Variants in TREML1 observed in about 807,000 individuals in gnomAD.
The protein encoded by TREML1 is trem-like transcript 1 protein.
TREML1 carries 27 observed loss-of-function variants against 22.8 expected under a neutral mutation model. The observed-to-expected ratio is 1.19, with a 90% CI of 0.87 to 1.64. TREML1 has a LOEUF of 1.64. Ranked by LOEUF, TREML1 falls within the 40% of genes most tolerant of loss-of-function variation. The probability of loss-of-function intolerance (pLI) is 0.00; values close to 1 mark genes in which losing one functional copy is unlikely to be tolerated. For synonymous variants in TREML1, 153 were observed against 161.9 expected (o/e 0.94, Z 0.42); for missense variants, 356 against 382.0 (o/e 0.93, Z 0.57).
chr6:41,149,708 G>A lies in TREML1; in HGVS notation c.832C>T (p.Pro278Ser), dbSNP rs769304788. 7.4e-6 allele frequency: 12 copies of A among 1,614,218 alleles called. No individual in the cohort carries two copies. In the South Asian group the frequency reaches 1.2e-4, roughly 16 times the overall value. The part of the protein sequence containing the change: ...LPPKVLVCSK[P>S]VTYATVIFPG... ...AAGATTACTGTGGCATATGTCACAGGCTTGGAGCAGACCAGGACCTTAGGA... is the reference window on the plus strand; with the variant it reads ...AAGATTACTGTGGCATATGTCACAGACTTGGAGCAGACCAGGACCTTAGGA... The change falls in exon 6 of 6, where the codon CCT becomes TCT. Residue 278 changes from proline to serine, a missense_variant. By Grantham distance (74) the Pro-to-Ser change is moderately conservative. Coordinates refer to ENST00000426005, the MANE Select transcript of TREML1 (RefSeq NM_178174.4).
chr6:41,150,440 C>A, intron 4 of TREML1, 127 bp from the exon 5 acceptor site: 1 of 835,380 alleles, frequency 1.2e-6, no homozygotes, highest in South Asian at 1.7e-5. Context: ...CCACTCCCAC[C>A]ACCAAACCTT....
At position 41,150,927 on chromosome 6, in the gene TREML1, AG is replaced by A. The variant is rs754253768; in HGVS notation, c.480-21del. ...GGGATGCTGAGGAACAGAAAGGGAT[AG>A]GCAGGCTTAGACCTGAAGCCTGTGG... On this transcript the variant is annotated intron_variant, in intron 3 of 5. Coordinates refer to ENST00000426005, the MANE Select transcript of TREML1 (RefSeq NM_178174.4). The A allele has an allele frequency of 6.2e-7, 1 of 1,610,814 alleles. No individual in the cohort carries two copies. The highest frequency in any genetic ancestry group is 1.3e-5 in the African/African-American group (1 of 74,864).
intron 2 of TREML1, chr6:41,151,644 C>T (rs1765254073): frequency 4.1e-6 from 2 of 487,992 alleles, no homozygotes; most frequent in Non-Finnish European, 3.7e-6. Flanking sequence ...ACCAGCTCCC[C>T]CCATCTTCCT....
chr6:41,151,412 G>A, intron 2 of TREML1, 28 bp from the exon 3 acceptor site: 1 of 1,601,246 alleles, frequency 6.2e-7, no homozygotes, highest in Non-Finnish European at 8.6e-7. Context: ...GAGTCAGAAG[G>A]AAACATTTAA....
At chr6:41,151,590 T>A (rs1765249481) in intron 2 of TREML1, 2 of 573,566 alleles carry the variant, frequency 3.5e-6, no homozygotes, top group Admixed American at 6.0e-5. Flanking sequence ...ACTGGCTCTT[T>A]ATGTCTTTAC....
At chr6:41,150,578 T>C (rs796783867) in intron 4 of TREML1, among the ~76,000 whole-genome samples, 4 of 152,138 alleles carry the variant, frequency 2.6e-5, no homozygotes, top group African/African-American at 9.6e-5. Flanking sequence ...CCAATGCCTT[T>C]CCTCCCATTG....
rs1439138922 is a variant in TREML1, at chr6:41,149,677, C to G, written c.863G>C (p.Gly288Ala). Residue 288 changes from glycine (G) to alanine (A), a missense_variant, in exon 6 of 6, where the codon GGA (glycine) becomes GCA (alanine). Gly to Ala is a moderately conservative substitution (Grantham distance 60, BLOSUM62 0). Transcript: ENST00000426005. Reference protein sequence around the residue: ...PVTYATVIFPGGNKGGGTSCG... With the variant: ...PVTYATVIFPAGNKGGGTSCG... ...CGAGGTCCCTCCACCCTTGTTCCCTCCCGGGAAGATTACTGTGGCATATGT... is the reference window on the plus strand; with the variant it reads ...CGAGGTCCCTCCACCCTTGTTCCCTGCCGGGAAGATTACTGTGGCATATGT... The G allele has an allele frequency of 1.9e-6, 3 of 1,614,042 alleles. No homozygotes were observed. Among genetic ancestry groups the G allele is most frequent in the Non-Finnish European group, 2.5e-6 (3 of 1,180,050 alleles).
rs752864439 is a variant in TREML1 at position 41,154,011 on chromosome 6, C to G, written c.123G>C (p.Arg41Ser). ...GSSILVQCHY[R>S]LQDVKAQKVW... ...CCTTCTGAGCTTTGACATCCTGGAG[C>G]CTGTAGTGGCACTGCACCAGAATGG... The change falls in exon 2 of 6, where the codon AGG (arginine) becomes AGC (serine). Residue 41 changes from arginine to serine, a missense_variant. Transcript: ENST00000426005. 8.7e-6 allele frequency: 14 copies of G among 1,614,012 alleles called. No individual in the cohort carries two copies. The highest frequency in any genetic ancestry group is 2.2e-5 in the East Asian group (1 of 44,880).
At chr6:41,151,502 G>T in intron 2 of TREML1, 118 bp from the exon 3 acceptor site, 1 of 844,582 alleles carries the variant, frequency 1.2e-6, no homozygotes, top group Non-Finnish European at 1.9e-6. Flanking sequence ...AGGAAGGAGA[G>T]GACCCCAGGA....
At chr6:41,150,715 A>C (rs1765222381) in intron 4 of TREML1, 104 bp downstream of exon 4, 1 of 1,059,426 alleles carries the variant, frequency 9.4e-7, no homozygotes, top group South Asian at 1.3e-5. Context: ...AGCCCAGGCA[A>C]ATCCATTTGT....
At position 41,149,852 on chromosome 6, in the gene TREML1, G is replaced by GTA; in HGVS notation, c.686_687dup (p.Pro230TyrfsTer51). ...GGTGGTGAGTCAAGCCTAATGTGTGGTACATCCAAAGGCAATTCAGCAGCC... is the reference window on the plus strand; with the variant it reads ...GGTGGTGAGTCAAGCCTAATGTGTGGTATACATCCAAAGGCAATTCAGCAGCC... On this transcript the variant is annotated frameshift_variant, in exon 6 of 6. Coordinates refer to ENST00000426005, the MANE Select transcript of TREML1 (RefSeq NM_178174.4). LOFTEE classifies it low-confidence loss of function (END_TRUNC). The GTA allele has an allele frequency of 5.6e-6, 9 of 1,614,154 alleles. No individual in the cohort carries two copies. Among genetic ancestry groups the GTA allele is most frequent in the Non-Finnish European group, 7.6e-6 (9 of 1,180,026 alleles).
Position 41,149,705 on chromosome 6 carries a change from C to T in TREML1, c.835G>A (p.Val279Met). The T allele has an allele frequency of 1.2e-6, 2 of 1,614,218 alleles. No individual in the cohort carries two copies. Among genetic ancestry groups the T allele is most frequent in the East Asian group, 4.5e-5 (2 of 44,888 alleles). ...GGGAAGATTACTGTGGCATATGTCA[C>T]AGGCTTGGAGCAGACCAGGACCTTA... ...PPKVLVCSKP[V>M]TYATVIFPGG... The change falls in exon 6 of 6, where the codon GTG (valine) becomes ATG (methionine). Residue 279 changes from valine to methionine, a missense_variant. Coordinates refer to ENST00000426005, the MANE Select transcript of TREML1 (RefSeq NM_178174.4).
rs191066746 is a variant in TREML1, at chr6:41,150,639, A to C, written c.568+180T>G. On this transcript the variant is annotated intron_variant, in intron 4 of 5. Transcript: ENST00000426005. Reference sequence around the variant, plus strand: ...GTCTTTCTGCAGACTGCTCCCATTGAATCTCCTTCCCTCCCCTCCATCCCT... The same window carrying C: ...GTCTTTCTGCAGACTGCTCCCATTGCATCTCCTTCCCTCCCCTCCATCCCT... 1.7e-3 allele frequency among the ~76,000 whole-genome samples: 259 copies of C among 152,088 alleles called. 1 individual carries two copies. Among genetic ancestry groups the C allele is most frequent in the Admixed American group, 0.015 (234 of 15,274 alleles).
rs1765247112 is a variant in TREML1 at position 41,151,531 on chromosome 6, G to C, written c.377-147C>G. On this transcript the variant is annotated intron_variant, in intron 2 of 5. Transcript: ENST00000426005. ...CCCAGGAAGAAACACAGAAAGGGGAGGCTGGGATGTTCTTTAGGGGCCTGT... is the reference window on the plus strand; with the variant it reads ...CCCAGGAAGAAACACAGAAAGGGGACGCTGGGATGTTCTTTAGGGGCCTGT... The C allele has an allele frequency of 4.5e-6, 3 of 663,640 alleles. No homozygotes were observed. In the African/African-American group the frequency reaches 5.4e-5, roughly 12 times the overall value. 41.1% of individuals were successfully genotyped at this position (663,640 alleles called of 1,614,324 possible). A position where few individuals can be genotyped will look rare whatever the true frequency, so the allele number is the denominator to read the frequency against.
Position 41,149,663 on chromosome 6 carries a change from C to CA in TREML1, c.876dup (p.Gly293TrpfsTer13), listed in dbSNP as rs768075916. On this transcript the variant is annotated frameshift_variant, in exon 6 of 6. Coordinates refer to ENST00000426005, the MANE Select transcript of TREML1 (RefSeq NM_178174.4). LOFTEE classifies it high-confidence loss of function. ...TGGGCTGGCCCACACGAGGTCCCTC[C>CA]ACCCTTGTTCCCTCCCGGGAAGATT... 4.3e-6 allele frequency: 7 copies of CA among 1,614,020 alleles called. No individual in the cohort carries two copies. In the East Asian group the frequency reaches 1.6e-4, roughly 36 times the overall value.
intron 5 of TREML1, 129 bp from the exon 6 acceptor site, chr6:41,150,047 G>A (rs1765204846): frequency 9.3e-7 from 1 of 1,074,808 alleles, no homozygotes; most frequent in Non-Finnish European, 1.3e-6. Flanking sequence ...GGGCTTCATT[G>A]TGAAGATTTT....
At position 41,154,050 on chromosome 6, in the gene TREML1, T is replaced by A; in HGVS notation, c.84A>T (p.Ala28=). ...GCACCAGAATGGAGCTTCCCACGGG[T>A]GCCTGCAGCACCTCAGGGAGGCTGC... ...IVGSLPEVLQ[A]PVGSSILVQC... Residue 28 remains alanine, a synonymous_variant, in exon 2 of 6, where the codon GCA becomes GCT. Coordinates refer to ENST00000426005, the MANE Select transcript of TREML1 (RefSeq NM_178174.4). 1.9e-6 allele frequency: 3 copies of A among 1,613,908 alleles called. No homozygotes were observed. Among genetic ancestry groups the A allele is most frequent in the Non-Finnish European group, 2.5e-6 (3 of 1,179,990 alleles).
chr6:41,150,865 C>T lies in TREML1; in HGVS notation c.522G>A (p.Leu174=). 6.2e-7 allele frequency: 1 copy of T among 1,614,118 alleles called. No individual in the cohort carries two copies. The highest frequency in any genetic ancestry group is 8.5e-7 in the Non-Finnish European group (1 of 1,180,006). Residue 174 remains leucine (L), a synonymous_variant, in exon 4 of 6, where the codon CTG becomes CTA. Coordinates refer to ENST00000426005, the MANE Select transcript of TREML1 (RefSeq NM_178174.4). ...IWGAVLLVGL[L]VAAVVLFAVM... ...CAGCAAACAGCACCACCGCTGCCAC[C>T]AGCAGACCTACCAGGAGCACAGCAC...
At chr6:41,150,623 C>A (rs1311647335) in intron 4 of TREML1, among the ~76,000 whole-genome samples, 196 bp downstream of exon 4, 3 of 152,128 alleles carry the variant, frequency 2.0e-5, no homozygotes, top group Non-Finnish European at 4.4e-5. Context: ...TGTCTTTCTG[C>A]AGACTGCTCC....
Sources: gnomAD v4.1 joint callset for allele counts (sites outside exome capture counted in the v4.1 genomes callset) on GRCh38, gnomAD v4.1.1 for gene constraint, MANE v1.5 for transcripts, NCBI Gene and HGNC (gene_info 2026-07-23, HGNC 2026-07-21) for gene names.